PRKCA: variants seen among roughly 807,000 people sequenced by gnomAD.
PRKCA encodes protein kinase C alpha type.
PRKCA carries 27 observed loss-of-function variants against 87.0 expected under a neutral mutation model. That is an observed-to-expected ratio of 0.31 (90% CI 0.23 to 0.43). The LOEUF (loss-of-function observed/expected upper bound fraction) is 0.43, where lower values mean the gene tolerates loss of function less well. Among genes scored for constraint, PRKCA ranks in the 20% least tolerant of loss-of-function variants. The pLI, the probability that PRKCA is intolerant of heterozygous loss-of-function variation, is 1.00. For missense variants in PRKCA, 518 were observed against 852.3 expected (o/e 0.61, Z 4.88); for synonymous variants, 329 against 311.1 (o/e 1.06, Z -0.61).
chr17:66,797,928 C>G (rs997197183), intron 16 of PRKCA, among the ~76,000 whole-genome samples: 1 of 152,252 alleles, frequency 6.6e-6, no homozygotes, highest in African/African-American at 2.4e-5. Context: ...CCCAGTTTTG[C>G]TCACAAGGTA....
chr17:66,382,625 A>G (rs760768284), intron 2 of PRKCA, among the ~76,000 whole-genome samples: 33 of 152,176 alleles, frequency 2.2e-4, no homozygotes, highest in Non-Finnish European at 4.0e-4. Context: ...TTATAAAAAT[A>G]TGTGTAATAA....
At chr17:66,742,789 C>T in intron 13 of PRKCA, 29 bp downstream of exon 13, 2 of 1,608,716 alleles carry the variant, frequency 1.2e-6, no homozygotes, top group African/African-American at 1.3e-5. Flanking sequence ...GTTTTCTCAA[C>T]CAGGACTCCC....
chr17:66,393,074 C>G (rs1358621586), intron 2 of PRKCA, among the ~76,000 whole-genome samples: 2 of 152,126 alleles, frequency 1.3e-5, no homozygotes, highest in Non-Finnish European at 2.9e-5. Context: ...ATGACAACAG[C>G]TTGTGTGAAA....
At position 66,410,925 on chromosome 17, in the gene PRKCA, C is replaced by T. The variant is rs570907286; in HGVS notation, c.206-85276C>T. On this transcript the variant is annotated intron_variant, in intron 2 of 16. Transcript: ENST00000413366. ...CCAGTAAATTACTTTTTCATGTGTG[C>T]GCTCTACTCTGGACAGGAGTTTGCT... Among the ~76,000 whole-genome samples, 21 of 152,164 alleles carry T rather than the reference C, an allele frequency of 1.4e-4. No individual in the cohort carries two copies. The South Asian group carries it at 1.7e-3, about 12-fold the overall frequency.
chr17:66,315,321 G>A (rs1299377836), intron 2 of PRKCA, among the ~76,000 whole-genome samples: 1 of 152,100 alleles, frequency 6.6e-6, no homozygotes, highest in Non-Finnish European at 1.5e-5. Flanking sequence ...AGAAAATGGT[G>A]GGGCTGGGAT....
At chr17:66,780,422 G>A (rs1451327109) in intron 14 of PRKCA, among the ~76,000 whole-genome samples, 1 of 152,112 alleles carries the variant, frequency 6.6e-6, no homozygotes, top group Non-Finnish European at 1.5e-5. Flanking sequence ...CACACCTATA[G>A]TCTCAGCACT....
chr17:66,777,882 G>A lies in PRKCA; in HGVS notation c.1605+3815G>A, dbSNP rs1975097254. 5.1e-6 allele frequency: 5 copies of A among 985,368 alleles called. No homozygotes were observed. The South Asian group carries it at 1.4e-4, about 28-fold the overall frequency. The allele number at this position is 985,368 out of a possible 1,614,324, so 61.0% of individuals were successfully genotyped here. On this transcript the variant is annotated intron_variant, in intron 14 of 16. Transcript: ENST00000413366. ...CTGCAGGAAAGTCCTCCTCCCTCCC[G>A]CAGCCTGGCTTCTCCCCTCTCCAAG... is the stretch of plus-strand genomic sequence containing the variant.
At chr17:66,633,322 G>T (rs972068931) in intron 3 of PRKCA, among the ~76,000 whole-genome samples, 1 of 151,964 alleles carries the variant, frequency 6.6e-6, no homozygotes, top group East Asian at 1.9e-4. Context: ...AAAAAAAACT[G>T]CTTCCTACTT....
At chr17:66,781,901 T>G (rs1397655185) in intron 14 of PRKCA, among the ~76,000 whole-genome samples, 2 of 149,030 alleles carry the variant, frequency 1.3e-5, no homozygotes, top group Non-Finnish European at 3.0e-5. Flanking sequence ...TGTGTGTGTG[T>G]GTGTGTGTGT....
At chr17:66,587,938 A>G in intron 3 of PRKCA, among the ~76,000 whole-genome samples, 1 of 115,760 alleles carries the variant, frequency 8.6e-6, no homozygotes, top group Non-Finnish European at 1.7e-5. Flanking sequence ...TATATCCTGC[A>G]GTAGCTCTTC....
intron 13 of PRKCA, among the ~76,000 whole-genome samples, chr17:66,745,796 T>G (rs1299613333): frequency 1.3e-5 from 2 of 152,234 alleles, no homozygotes; most frequent in African/African-American, 4.8e-5. Context: ...AGGTGGTTAG[T>G]AACGTGTCTA....
chr17:66,427,985 C>T (rs1004981984), intron 2 of PRKCA, among the ~76,000 whole-genome samples: 5 of 152,188 alleles, frequency 3.3e-5, no homozygotes, highest in Admixed American at 2.0e-4. Flanking sequence ...GTGATTCCTC[C>T]TCCTGACCTC....
chr17:66,568,287 C>T (rs774729990), intron 3 of PRKCA, among the ~76,000 whole-genome samples: 7 of 152,168 alleles, frequency 4.6e-5, no homozygotes, highest in Non-Finnish European at 1.0e-4. Flanking sequence ...GCACTCCAGC[C>T]TAGACGACAG....
At chr17:66,749,260 C>A (rs922680039) in intron 13 of PRKCA, among the ~76,000 whole-genome samples, 1 of 151,984 alleles carries the variant, frequency 6.6e-6, no homozygotes, top group African/African-American at 2.4e-5. Flanking sequence ...GCCTCCCCGC[C>A]CCATTCCCTC....
At chr17:66,471,502 G>C (rs900993545) in intron 2 of PRKCA, among the ~76,000 whole-genome samples, 1 of 152,178 alleles carries the variant, frequency 6.6e-6, no homozygotes, top group African/African-American at 2.4e-5. Flanking sequence ...GTTATAGACA[G>C]TATAGTCCAC....
intron 2 of PRKCA, among the ~76,000 whole-genome samples, chr17:66,474,214 A>G (rs938310528): frequency 9.2e-6 from 1 of 109,002 alleles, no homozygotes; most frequent in Non-Finnish European, 1.7e-5. Flanking sequence ...ACACACCCAG[A>G]TGGGGAGGAA....
chr17:66,708,277 T>C (rs943645457), intron 8 of PRKCA, among the ~76,000 whole-genome samples: 2 of 152,200 alleles, frequency 1.3e-5, no homozygotes, highest in African/African-American at 4.8e-5. Context: ...ATTTGCCACT[T>C]TCACCTTGAG....
At chr17:66,475,506 T>C (rs1915501567) in intron 2 of PRKCA, among the ~76,000 whole-genome samples, 1 of 152,174 alleles carries the variant, frequency 6.6e-6, no homozygotes, top group Non-Finnish European at 1.5e-5. Flanking sequence ...GATTTTCCTG[T>C]TGGTTTCTAA....
intron 5 of PRKCA, among the ~76,000 whole-genome samples, chr17:66,665,107 G>T (rs561867658): frequency 2.0e-5 from 3 of 152,232 alleles, no homozygotes; most frequent in Non-Finnish European, 4.4e-5. Context: ...ACACTGGAGG[G>T]TTTTTTCTGG....
Sources: allele counts gnomAD v4.1 joint callset (sites outside exome capture counted in the v4.1 genomes callset), GRCh38; gene constraint gnomAD v4.1.1; transcripts MANE v1.5; gene names NCBI Gene and HGNC (gene_info 2026-07-23, HGNC 2026-07-21).